BCL9L: variants seen among roughly 807,000 people sequenced by gnomAD.
The protein encoded by BCL9L is BCL9 like.
Under a neutral mutation model 99.4 loss-of-function variants are expected in BCL9L, and 19 were observed. The observed-to-expected ratio is 0.19, with a 90% CI of 0.13 to 0.28. The LOEUF (loss-of-function observed/expected upper bound fraction) is 0.28, where lower values mean the gene tolerates loss of function less well. Among genes scored for constraint, BCL9L ranks in the 10% least tolerant of loss-of-function variants. The pLI is 1.00. For missense variants in BCL9L, 2,023 were observed against 2,101.6 expected (o/e 0.96, Z 0.73); for synonymous variants, 900 against 854.8 (o/e 1.05, Z -0.92).
At position 118,899,359 on chromosome 11, in the gene BCL9L, G is replaced by C. The variant is rs1477127143; in HGVS notation, c.3556C>G (p.Pro1186Ala). 3 of 1,557,310 alleles carry C rather than the reference G, an allele frequency of 1.9e-6. No individual in the cohort carries two copies. Among genetic ancestry groups the C allele is most frequent in the South Asian group, 1.2e-5 (1 of 86,492 alleles). ...GTCCCCTGTGCGTTGGGATGCAGTGGAATGTTGGAGCCCAGAGGGGTGGGG... is the reference window on the plus strand; with the variant it reads ...GTCCCCTGTGCGTTGGGATGCAGTGCAATGTTGGAGCCCAGAGGGGTGGGG... ...PSPTPLGSNI[P>A]LHPNAQGTGG... is the part of the protein sequence containing the mutation. The change falls in exon 10 of 10, where the codon CCA becomes GCA. Residue 1186 changes from proline (P) to alanine (A), a missense_variant. Physicochemically the swap from Pro to Ala is conservative, Grantham distance 27. Coordinates refer to ENST00000683865, the MANE Select transcript of BCL9L (RefSeq NM_001378213.1).
chr11:118,898,293 A>AGG lies in BCL9L; in HGVS notation c.*121_*122insCC. 3 of 510,812 alleles carry AGG rather than the reference A, an allele frequency of 5.9e-6. No homozygotes were observed. The highest frequency in any genetic ancestry group is 1.1e-5 in the Non-Finnish European group (3 of 282,772). 31.6% of individuals were successfully genotyped at this position (510,812 alleles called of 1,614,324 possible). On this transcript the variant is annotated 3_prime_UTR_variant, in exon 10 of 10. Transcript: ENST00000683865. ...TTCCACAAATGCCACTCCCTACACA[A>AGG]GCCCCCTCCCACCCCCTCCACCCCA...
chr11:118,909,772 C>T (rs1267141271), intron 3 of BCL9L, 142 bp downstream of exon 3: 2 of 1,387,832 alleles, frequency 1.4e-6, no homozygotes, highest in Admixed American at 3.8e-5. Flanking sequence ...GCTAACCCCC[C>T]TTTAGCCCAC....
chr11:118,903,496 CAAG>C lies in BCL9L; in HGVS notation c.533-47_533-45del. 1 of 1,590,222 alleles carries C rather than the reference CAAG, an allele frequency of 6.3e-7. No individual in the cohort carries two copies. The highest frequency in any genetic ancestry group is 8.6e-7 in the Non-Finnish European group (1 of 1,161,958). Reference sequence around the variant, plus strand: ...GGAAAGGGGCTAAGTGGTCTAGATACAAGAAGGACCAGCTGATGCCCCCTCCCA... The same window carrying C: ...GGAAAGGGGCTAAGTGGTCTAGATACAAGGACCAGCTGATGCCCCCTCCCA... On this transcript the variant is annotated intron_variant, in intron 5 of 9. Coordinates refer to ENST00000683865, the MANE Select transcript of BCL9L (RefSeq NM_001378213.1). This position sits in a 1 kb window ranked among gnomAD's most constrained non-coding sequence, Gnocchi z 5.6.
In BCL9L at chr11:118,896,935, T is replaced by A. The variant is rs1939943632; in HGVS notation, c.*1480A>T. On this transcript the variant is annotated 3_prime_UTR_variant, in exon 10 of 10. Transcript: ENST00000683865. ...AGGGGGACAAACACCCAGTCGTATATGGCTTCAGCTCTGACCAAAGGCGGA... is the reference window on the plus strand; with the variant it reads ...AGGGGGACAAACACCCAGTCGTATAAGGCTTCAGCTCTGACCAAAGGCGGA... The A allele has an allele frequency of 6.5e-6, 1 of 152,716 alleles. No individual in the cohort carries two copies. Among genetic ancestry groups the A allele is most frequent in the South Asian group, 2.1e-4 (1 of 4,840 alleles). 9.5% of individuals were successfully genotyped at this position (152,716 alleles called of 1,614,324 possible). A position where few individuals can be genotyped will look rare whatever the true frequency, so the allele number is the denominator to read the frequency against.
At chr11:118,923,959 C>T (rs1941216152) in intron 1 of BCL9L, among the ~76,000 whole-genome samples, 2 of 152,224 alleles carry the variant, frequency 1.3e-5, no homozygotes, top group African/African-American at 4.8e-5. Context: ...CCTGAGCATG[C>T]TCCTCCTCTG....
Position 118,897,506 on chromosome 11 carries a change from G to A in BCL9L, c.*909C>T, listed in dbSNP as rs1388146684. The A allele has an allele frequency of 6.0e-6, 2 of 334,670 alleles. No individual in the cohort carries two copies. The highest frequency in any genetic ancestry group is 1.2e-5 in the Non-Finnish European group (2 of 171,498). 20.7% of individuals were successfully genotyped at this position (334,670 alleles called of 1,614,324 possible). A position where few individuals can be genotyped will look rare whatever the true frequency, so the allele number is the denominator to read the frequency against. On this transcript the variant is annotated 3_prime_UTR_variant, in exon 10 of 10. Transcript: ENST00000683865. ...CATGTTCTCCCTGAATCACTCAGCA[G>A]CAGACAGGCTGCCGCCCTGGGGGTC...
Position 118,898,304 on chromosome 11 carries a change from A to AACCCCC in BCL9L, c.*110_*111insGGGGGT. On this transcript the variant is annotated 3_prime_UTR_variant, in exon 10 of 10. Transcript: ENST00000683865. ...CCACTCCCTACACAAGCCCCCTCCC[A>AACCCCC]CCCCCTCCACCCCACCCCGCGACCC... The AACCCCC allele has an allele frequency of 1.0e-5, 2 of 193,448 alleles. No homozygotes were observed. The highest frequency in any genetic ancestry group is 1.8e-5 in the Non-Finnish European group (2 of 108,398). The allele number at this position is 193,448 out of a possible 1,614,324, so 12.0% of individuals were successfully genotyped here. A position where few individuals can be genotyped will look rare whatever the true frequency, so the allele number is the denominator to read the frequency against.
chr11:118,907,513 C>T lies in BCL9L; in HGVS notation c.502G>A (p.Glu168Lys). ...GTGGCCCCAATGGGCTTGTCGTCCT[C>T]CTCACTGTCCGGTCCAGAGCACCAT... is the stretch of plus-strand genomic sequence containing the variant. ...DEWCSGPDSE[E>K]DDKPIGATHN... Residue 168 changes from glutamate to lysine, a missense_variant, in exon 5 of 10, where the codon GAG becomes AAG. By Grantham distance (56) the Glu-to-Lys change is moderately conservative (BLOSUM62 1). Around this residue, in one of 3 missense-constraint regions of BCL9L, gnomAD observed 1,116 missense variants for 1,194.6 expected, o/e 0.93. Coordinates refer to ENST00000683865, the MANE Select transcript of BCL9L (RefSeq NM_001378213.1). 1.2e-6 allele frequency: 2 copies of T among 1,614,216 alleles called. No individual in the cohort carries two copies. Among genetic ancestry groups the T allele is most frequent in the Non-Finnish European group, 1.7e-6 (2 of 1,180,020 alleles).
In BCL9L at chr11:118,898,037, C is replaced by A. The variant is rs1939994028; in HGVS notation, c.*378G>T. ...AGGAGCAGAAGGGGCTGGGGGAGAC[C>A]TGACCTGTCCTTCCTCTCTCCCCCC... On this transcript the variant is annotated 3_prime_UTR_variant, in exon 10 of 10. Coordinates refer to ENST00000683865, the MANE Select transcript of BCL9L (RefSeq NM_001378213.1). 1 of 418,262 alleles carries A rather than the reference C, an allele frequency of 2.4e-6. No individual in the cohort carries two copies. The highest frequency in any genetic ancestry group is 4.5e-6 in the Non-Finnish European group (1 of 220,610). The allele number at this position is 418,262 out of a possible 1,614,324, so 25.9% of individuals were successfully genotyped here. A position where few individuals can be genotyped will look rare whatever the true frequency, so the allele number is the denominator to read the frequency against.
In BCL9L at chr11:118,898,391, C is replaced by A. The variant is rs201919848; in HGVS notation, c.*24G>T. 1 of 1,574,214 alleles carries A rather than the reference C, an allele frequency of 6.4e-7. No individual in the cohort carries two copies. Among genetic ancestry groups the A allele is most frequent in the Middle Eastern group, 1.7e-4 (1 of 5,894 alleles). On this transcript the variant is annotated 3_prime_UTR_variant, in exon 10 of 10. Transcript: ENST00000683865. ...GGTTATCGTATTTGCAACATTGCCC[C>A]GGCTCCAGCCCTGGCAGCGACTTCT...
chr11:118,915,426 G>A (rs2062130972), intron 2 of BCL9L, among the ~76,000 whole-genome samples: 1 of 152,188 alleles, frequency 6.6e-6, no homozygotes, highest in Admixed American at 6.5e-5. Flanking sequence ...CCCTGTGAGT[G>A]TCCAAGAGAA....
rs771863402 is a variant in BCL9L, at chr11:118,908,591, G to A, written c.91C>T (p.Pro31Ser). 3 of 1,613,524 alleles carry A rather than the reference G, an allele frequency of 1.9e-6. No individual in the cohort carries two copies. In the South Asian group the frequency reaches 3.3e-5, roughly 18 times the overall value. Residue 31 changes from proline (P) to serine (S), a missense_variant, in exon 4 of 10, where the codon CCC becomes TCC. By Grantham distance (74) the Pro-to-Ser change is moderately conservative. This residue lies in a region of BCL9L where 1,116 missense variants were observed against 1,194.6 expected (regional missense o/e 0.93). Coordinates refer to ENST00000683865, the MANE Select transcript of BCL9L (RefSeq NM_001378213.1). ...TGCATTGGCTTGGCTGGGGCAGGGGGGCAATGACCGCGGGGGGACAGCGGC... is the reference window on the plus strand; with the variant it reads ...TGCATTGGCTTGGCTGGGGCAGGGGAGCAATGACCGCGGGGGGACAGCGGC... Reference protein sequence around the residue: ...SPPLSPRGHCPPAPAKPMHPE... With the variant: ...SPPLSPRGHCSPAPAKPMHPE...
chr11:118,898,192 C>G lies in BCL9L; in HGVS notation c.*223G>C. 1 of 640,020 alleles carries G rather than the reference C, an allele frequency of 1.6e-6. No homozygotes were observed. The highest frequency in any genetic ancestry group is 1.8e-5 in the African/African-American group (1 of 54,436). The allele number at this position is 640,020 out of a possible 1,614,324, so 39.6% of individuals were successfully genotyped here. ...GTGGGGGAGGGGCAGTCCTGGTGGC[C>G]GAAATGGAACCAACCCCAATGCAAA... On this transcript the variant is annotated 3_prime_UTR_variant, in exon 10 of 10. Transcript: ENST00000683865.
At position 118,921,509 on chromosome 11, in the gene BCL9L, T is replaced by G. The variant is rs191939098; in HGVS notation, c.-130-2630A>C. Among the ~76,000 whole-genome samples the G allele has an allele frequency of 3.4e-5, 5 of 145,580 alleles. No individual in the cohort carries two copies. The highest frequency in any genetic ancestry group is 2.6e-5 in the African/African-American group (1 of 38,918). On this transcript the variant is annotated intron_variant, in intron 1 of 9. Coordinates refer to ENST00000683865, the MANE Select transcript of BCL9L (RefSeq NM_001378213.1). This position sits in a 1 kb window ranked among gnomAD's most constrained non-coding sequence, Gnocchi z 5.4. ...AGGCTGGGGGTGGGGAAGTGGAGAGTGAGGAGGAGGGGAAGACGGGCCAGC... is the reference window on the plus strand; with the variant it reads ...AGGCTGGGGGTGGGGAAGTGGAGAGGGAGGAGGAGGGGAAGACGGGCCAGC...
rs1940117001 is a variant in BCL9L, at chr11:118,899,616, T to C, written c.3407-108A>G. On this transcript the variant is annotated intron_variant, in intron 9 of 9. Transcript: ENST00000683865. ...AGCCAGGGGGTGCCAGAGGTCAAAGTCTTCACCACTGGCTTCCCCTGGCTG... is the reference window on the plus strand; with the variant it reads ...AGCCAGGGGGTGCCAGAGGTCAAAGCCTTCACCACTGGCTTCCCCTGGCTG... 16 of 1,363,884 alleles carry C rather than the reference T, an allele frequency of 1.2e-5. No individual in the cohort carries two copies. The South Asian group carries it at 2.1e-4, about 18-fold the overall frequency. 84.5% of individuals were successfully genotyped at this position (1,363,884 alleles called of 1,614,324 possible). A position where few individuals can be genotyped will look rare whatever the true frequency, so the allele number is the denominator to read the frequency against.
intron 1 of BCL9L, among the ~76,000 whole-genome samples, chr11:118,920,874 A>G (rs1941118114): frequency 6.6e-6 from 1 of 152,176 alleles, no homozygotes; most frequent in Admixed American, 6.5e-5. Context: ...AGGGCAGAGG[A>G]CTGCATGTCC....
At position 118,908,394 on chromosome 11, in the gene BCL9L, G is replaced by C. The variant is rs1940621210; in HGVS notation, c.288C>G (p.Asn96Lys). ...QISPSNSSLK[N>K]PQAGVPPFSS... Reference sequence around the variant, plus strand: ...TGAAAGGGGGCACCCCTGCCTGGGGGTTCTTCAGACTTGAGTTGCTAGGCG... The same window carrying C: ...TGAAAGGGGGCACCCCTGCCTGGGGCTTCTTCAGACTTGAGTTGCTAGGCG... Residue 96 changes from asparagine to lysine, a missense_variant, in exon 4 of 10, where the codon AAC (asparagine) becomes AAG (lysine). Asn to Lys is a moderately conservative substitution (Grantham distance 94, BLOSUM62 0). Around this residue, in one of 3 missense-constraint regions of BCL9L, gnomAD observed 1,116 missense variants for 1,194.6 expected, o/e 0.93. Coordinates refer to ENST00000683865, the MANE Select transcript of BCL9L (RefSeq NM_001378213.1). 6.2e-7 allele frequency: 1 copy of C among 1,613,884 alleles called. No homozygotes were observed. The highest frequency in any genetic ancestry group is 8.5e-7 in the Non-Finnish European group (1 of 1,179,920).
In BCL9L at chr11:118,922,708, G is replaced by A. The variant is rs1296898835; in HGVS notation, c.-131+2530C>T. 6.6e-6 allele frequency among the ~76,000 whole-genome samples: 1 copy of A among 152,072 alleles called. No individual in the cohort carries two copies. Among genetic ancestry groups the A allele is most frequent in the Non-Finnish European group, 1.5e-5 (1 of 67,986 alleles). ...CTTCTGCCCCCTCCCCCCATCGGAG[G>A]TCAGCACCCGGGCAGTGCCCAGGGC... On this transcript the variant is annotated intron_variant, in intron 1 of 9. Coordinates refer to ENST00000683865, the MANE Select transcript of BCL9L (RefSeq NM_001378213.1). The surrounding 1 kb of genome is among the most constrained non-coding windows in gnomAD (Gnocchi z 6.2).
At chr11:118,916,500 A>T (rs1940966752) in intron 2 of BCL9L, among the ~76,000 whole-genome samples, 1 of 152,148 alleles carries the variant, frequency 6.6e-6, no homozygotes, top group South Asian at 2.1e-4. Flanking sequence ...GGCCCCACTC[A>T]GCATTCTCCC....
Sources: allele counts gnomAD v4.1 joint callset (sites outside exome capture counted in the v4.1 genomes callset), GRCh38; gene constraint gnomAD v4.1.1; regional missense constraint gnomAD v4.1.1; non-coding constraint Gnocchi (gnomAD v3.1); transcripts MANE v1.5; gene names NCBI Gene and HGNC (gene_info 2026-07-23, HGNC 2026-07-21).